The following ITFG1 variants were observed in gnomAD, a reference collection of about 807,000 sequenced individuals.
ITFG1 encodes integrin alpha FG-GAP repeat containing 1, also known as T-cell immunomodulatory protein.
ITFG1 carries 34 observed loss-of-function variants against 81.8 expected under a neutral mutation model. The ratio of observed to expected loss-of-function variants is 0.42; its 90% CI spans 0.32 to 0.55. The LOEUF is 0.55. ITFG1 is among the 20% of genes least tolerant of loss of function. ITFG1 has a pLI of 0.17. For missense variants in ITFG1, 672 were observed against 755.4 expected, an observed-to-expected ratio of 0.89 and a Z score of 1.29; for synonymous variants, 285 against 270.6, an observed-to-expected ratio of 1.05 and a Z score of -0.52.
At chr16:47,226,868 A>G (rs1965764522) in intron 13 of ITFG1, among the ~76,000 whole-genome samples, 1 of 152,178 alleles carries the variant, frequency 6.6e-6, no homozygotes, top group African/African-American at 2.4e-5. Context: ...AATATGAAAA[A>G]TATAGTTTTT....
intron 13 of ITFG1, among the ~76,000 whole-genome samples, chr16:47,222,671 C>T (rs1338029383): frequency 2.0e-5 from 3 of 152,168 alleles, no homozygotes; most frequent in African/African-American, 7.2e-5. Context: ...CCTCGGCCTC[C>T]CAAAGTGCTG....
At chr16:47,403,931 T>C (rs1968696035) in intron 6 of ITFG1, among the ~76,000 whole-genome samples, 1 of 151,746 alleles carries the variant, frequency 6.6e-6, no homozygotes, top group Non-Finnish European at 1.5e-5. Flanking sequence ...GAAGGGACCA[T>C]CTAGTTGCAG....
chr16:47,336,333 G>T (rs796880068), intron 8 of ITFG1, among the ~76,000 whole-genome samples: 1 of 152,172 alleles, frequency 6.6e-6, no homozygotes, highest in Admixed American at 6.5e-5. Context: ...GAAAATGGTA[G>T]GAAAATTTGA....
intron 12 of ITFG1, among the ~76,000 whole-genome samples, chr16:47,249,242 AC>A (rs1286184521): frequency 6.6e-6 from 1 of 151,480 alleles, no homozygotes; most frequent in Non-Finnish European, 1.5e-5. Flanking sequence ...ACATAGTGAA[AC>A]CCCCATCTCT....
At chr16:47,224,100 T>G (rs1357044743) in intron 13 of ITFG1, among the ~76,000 whole-genome samples, 2 of 150,922 alleles carry the variant, frequency 1.3e-5, no homozygotes, top group African/African-American at 4.9e-5. Flanking sequence ...CATTGGGAGA[T>G]ACACCTAATG....
chr16:47,379,158 C>G (rs1015943208), intron 6 of ITFG1, among the ~76,000 whole-genome samples: 1 of 152,126 alleles, frequency 6.6e-6, no homozygotes, highest in African/African-American at 2.4e-5. Context: ...ACCCACTCAC[C>G]ACAACTCAGG....
intron 10 of ITFG1, among the ~76,000 whole-genome samples, chr16:47,272,634 G>T (rs1966355176): frequency 1.3e-5 from 2 of 152,072 alleles, no homozygotes; most frequent in Admixed American, 1.3e-4. Flanking sequence ...GACTTCAAGT[G>T]ATCTGCCTGC....
At chr16:47,338,281 G>C (rs1312881366) in intron 8 of ITFG1, among the ~76,000 whole-genome samples, 1 of 152,116 alleles carries the variant, frequency 6.6e-6, no homozygotes, top group Admixed American at 6.6e-5. Context: ...AGCGGTGGCA[G>C]GCGCGCATAA....
chr16:47,361,330 C>T (rs1386353842), intron 8 of ITFG1, among the ~76,000 whole-genome samples: 1 of 152,004 alleles, frequency 6.6e-6, no homozygotes, highest in African/African-American at 2.4e-5. Context: ...AGTTTTATAG[C>T]TTTTATTGAT....
At chr16:47,299,869 A>G (rs983632711) in intron 10 of ITFG1, 1 of 152,342 alleles carries the variant, frequency 6.6e-6, no homozygotes, top group African/African-American at 2.4e-5. Flanking sequence ...CCCGAATCCC[A>G]TAACCTTGGC....
At chr16:47,180,384 CCCACGGTCTCCCTCTCCCTCTCTTT>C (rs988800639) in intron 14 of ITFG1, among the ~76,000 whole-genome samples, 10 of 152,086 alleles carry the variant, frequency 6.6e-5, no homozygotes, top group South Asian at 2.1e-4. Flanking sequence ...TCCCCCTCTC[CCCACGGTCTCCCTCTCCCTCTCTTT>C]CCACGGTCTC....
At chr16:47,212,398 G>T (rs1458876348) in intron 14 of ITFG1, among the ~76,000 whole-genome samples, 3 of 151,880 alleles carry the variant, frequency 2.0e-5, no homozygotes, top group African/African-American at 7.3e-5. Context: ...AAATTTTTTT[G>T]TAGACACAGG....
At chr16:47,418,095 T>C (rs367903835) in intron 6 of ITFG1, among the ~76,000 whole-genome samples, 1 of 152,214 alleles carries the variant, frequency 6.6e-6, no homozygotes, top group East Asian at 1.9e-4. Flanking sequence ...CAATGAGATA[T>C]TTCACTGTAG....
chr16:47,207,617 T>G (rs1965516781), intron 14 of ITFG1, among the ~76,000 whole-genome samples: 1 of 152,024 alleles, frequency 6.6e-6, no homozygotes, highest in Non-Finnish European at 1.5e-5. Context: ...ATGAGCTTGG[T>G]GAATGCAGGG....
chr16:47,376,497 T>C (rs1968326512), intron 6 of ITFG1, among the ~76,000 whole-genome samples: 1 of 152,066 alleles, frequency 6.6e-6, no homozygotes, highest in South Asian at 2.1e-4. Context: ...ATAAAATTTC[T>C]TTGAAAAAAA....
intron 16 of ITFG1, among the ~76,000 whole-genome samples, chr16:47,159,610 G>A (rs373076753): frequency 2.6e-5 from 4 of 152,182 alleles, no homozygotes; most frequent in South Asian, 4.1e-4. Flanking sequence ...GAGGTCTTTA[G>A]TAAACAGAAC....
upstream of ITFG1, chr16:47,461,146 G>C (rs1041935722): frequency 2.9e-5 from 34 of 1,191,984 alleles, no homozygotes; most frequent in Non-Finnish European, 3.8e-5. Context: ...GCCCCGGGAC[G>C]CGTAAGAGCC....
At chr16:47,359,689 C>T (rs1330691354) in intron 8 of ITFG1, among the ~76,000 whole-genome samples, 1 of 152,164 alleles carries the variant, frequency 6.6e-6, no homozygotes, top group Non-Finnish European at 1.5e-5. Flanking sequence ...CTTTTTGTTC[C>T]TTGAACATCA....
At chr16:47,158,061 C>T (rs2151504697) in intron 17 of ITFG1, among the ~76,000 whole-genome samples, 1 of 152,178 alleles carries the variant, frequency 6.6e-6, no homozygotes, top group East Asian at 1.9e-4. Flanking sequence ...CAGTTTAATG[C>T]AAAGAATACT....
Sources: allele counts gnomAD v4.1 joint callset (sites outside exome capture counted in the v4.1 genomes callset), GRCh38; gene constraint gnomAD v4.1.1; transcripts MANE v1.5; gene names NCBI Gene and HGNC (gene_info 2026-07-23, HGNC 2026-07-21).